SHB: variants seen among roughly 807,000 people sequenced by gnomAD.
The protein encoded by SHB is SH2 domain containing adaptor protein B.
A neutral mutation model predicts 52.3 loss-of-function variants in SHB; 20 were observed. The observed-to-expected ratio is 0.38, with a 90% CI of 0.27 to 0.56. The LOEUF (loss-of-function observed/expected upper bound fraction) is 0.56. Among genes scored for constraint, SHB ranks in the 20% least tolerant of loss-of-function variants. The pLI, the probability that SHB is intolerant of heterozygous loss-of-function variation, is 0.71. For synonymous variants in SHB, 397 were observed against 316.5 expected, an observed-to-expected ratio of 1.25 and a Z score of -2.70; for missense variants, 825 against 723.3, an observed-to-expected ratio of 1.14 and a Z score of -1.61.
chr9:37,948,997 C>A (rs1832528171), intron 4 of SHB, among the ~76,000 whole-genome samples: 1 of 152,198 alleles, frequency 6.6e-6, no homozygotes, highest in South Asian at 2.1e-4. Context: ...GCCACAGACA[C>A]TCAAGTCATC....
chr9:38,064,697 T>C (rs1821938790), intron 1 of SHB, among the ~76,000 whole-genome samples: 1 of 152,186 alleles, frequency 6.6e-6, no homozygotes, highest in South Asian at 2.1e-4. Flanking sequence ...CATGGACAAG[T>C]CTCCTGCATC....
chr9:37,983,971 G>C (rs79082258), intron 2 of SHB, among the ~76,000 whole-genome samples: 2,869 of 152,346 alleles, frequency 0.019, 84 homozygotes, highest in African/African-American at 0.064. Flanking sequence ...TCCCACTAGA[G>C]TGCTTAGTCT....
intron 5 of SHB, among the ~76,000 whole-genome samples, chr9:37,927,387 C>A (rs752843588): frequency 6.6e-6 from 1 of 152,210 alleles, no homozygotes; most frequent in South Asian, 2.1e-4. Flanking sequence ...AGCAAAATGA[C>A]GTGATTTACA....
intron 2 of SHB, among the ~76,000 whole-genome samples, chr9:37,997,463 T>G (rs142771184): frequency 6.9e-4 from 105 of 152,312 alleles, no homozygotes; most frequent in African/African-American, 2.4e-3. Flanking sequence ...CCTGCCTCCT[T>G]TTCCCCTGGA....
At chr9:37,969,019 C>T (rs942817991) in intron 3 of SHB, among the ~76,000 whole-genome samples, 1 of 152,224 alleles carries the variant, frequency 6.6e-6, no homozygotes, top group Non-Finnish European at 1.5e-5. Flanking sequence ...CCCAGTCCCC[C>T]ACAGAAACCC....
At chr9:37,970,213 G>A (rs1210745814) in intron 3 of SHB, among the ~76,000 whole-genome samples, 1 of 152,240 alleles carries the variant, frequency 6.6e-6, no homozygotes, top group African/African-American at 2.4e-5. Context: ...TCCTGGAGAA[G>A]AGCAGGCAAC....
In SHB at chr9:38,027,492, G is replaced by A. The variant is rs76913672; in HGVS notation, c.718-11361C>T. ...CATGCCTTTTAGTCTGGGGAACCCA[G>A]ACACAGACCTTGAAGCAGGCACTAA... is the stretch of plus-strand genomic sequence containing the variant. On this transcript the variant is annotated intron_variant, in intron 1 of 5. Coordinates refer to ENST00000377707, the MANE Select transcript of SHB (RefSeq NM_003028.3). 4.7e-3 allele frequency among the ~76,000 whole-genome samples: 716 copies of A among 152,210 alleles called. 18 individuals are homozygous for A. The East Asian group carries it at 0.049, about 10-fold the overall frequency.
chr9:37,970,922 C>T (rs1182420724), intron 3 of SHB, among the ~76,000 whole-genome samples: 6 of 152,080 alleles, frequency 3.9e-5, no homozygotes, highest in Non-Finnish European at 8.8e-5. Flanking sequence ...ATTCCCCGCC[C>T]AAGTTTCCCC....
intron 2 of SHB, among the ~76,000 whole-genome samples, chr9:37,998,577 C>T (rs1416328534): frequency 3.9e-5 from 6 of 152,192 alleles, no homozygotes; most frequent in African/African-American, 9.7e-5. Flanking sequence ...CTCAGCCTCC[C>T]GAATAGCTGA....
rs1279603871 is a variant in SHB, at chr9:37,916,266, G to A, written c.*3555C>T. 3.3e-5 allele frequency among the ~76,000 whole-genome samples: 5 copies of A among 152,198 alleles called. No individual in the cohort carries two copies. The highest frequency in any genetic ancestry group is 4.4e-5 in the Non-Finnish European group (3 of 68,036). On this transcript the variant is annotated 3_prime_UTR_variant, in exon 6 of 6. Transcript: ENST00000377707. ...AGTTGGCTGGACAGCTGCCTGATTC[G>A]GCCATGACCCTTCACGGGTGTCTGT...
intron 3 of SHB, among the ~76,000 whole-genome samples, chr9:37,964,198 T>C (rs1194922614): frequency 2.0e-5 from 3 of 152,106 alleles, no homozygotes; most frequent in Non-Finnish European, 4.4e-5. Context: ...CTGCCACTCA[T>C]GATGGGAGGT....
At chr9:37,942,703 A>G (rs531296997) in intron 5 of SHB, among the ~76,000 whole-genome samples, 41 of 152,286 alleles carry the variant, frequency 2.7e-4, no homozygotes, top group African/African-American at 9.9e-4. Context: ...AGGTGCGGGG[A>G]AAGAGATGGA....
chr9:38,020,782 A>G (rs528485096), intron 1 of SHB, among the ~76,000 whole-genome samples: 61 of 152,306 alleles, frequency 4.0e-4, no homozygotes, highest in Non-Finnish European at 4.4e-5. Context: ...AATTTAAAAA[A>G]AGACTTCTGC....
chr9:37,924,449 G>A (rs1308847385), intron 5 of SHB, among the ~76,000 whole-genome samples: 2 of 152,166 alleles, frequency 1.3e-5, no homozygotes, highest in Non-Finnish European at 2.9e-5. Context: ...ATGATGAAAT[G>A]ACTTAAAAAT....
chr9:37,983,966 C>T (rs1820772455), intron 2 of SHB, among the ~76,000 whole-genome samples: 1 of 152,248 alleles, frequency 6.6e-6, no homozygotes, highest in Non-Finnish European at 1.5e-5. Flanking sequence ...ACCGATCCCA[C>T]TAGAGTGCTT....
chr9:38,013,266 G>C (rs1821165572), intron 2 of SHB, among the ~76,000 whole-genome samples: 2 of 152,176 alleles, frequency 1.3e-5, no homozygotes, highest in South Asian at 4.1e-4. Flanking sequence ...AAATCAAACT[G>C]CCTCAATCAA....
At chr9:38,054,407 C>A (rs1269720918) in intron 1 of SHB, among the ~76,000 whole-genome samples, 2 of 152,266 alleles carry the variant, frequency 1.3e-5, no homozygotes, top group Non-Finnish European at 2.9e-5. Flanking sequence ...CCCAAATCCA[C>A]CTGGGAATCT....
At chr9:38,018,694 G>A (rs1254301388) in intron 1 of SHB, among the ~76,000 whole-genome samples, 1 of 152,144 alleles carries the variant, frequency 6.6e-6, no homozygotes, top group Non-Finnish European at 1.5e-5. Flanking sequence ...GCAAAATGAT[G>A]TCCTAGTTTT....
rs776979389 is a variant in SHB at position 37,919,817 on chromosome 9, C to T, written c.*4G>A. ...TGTCACAGAGCAGGGCAGGTCTGGTCCGCTCACAGGGTCCTCACAGCCACG... is the reference window on the plus strand; with the variant it reads ...TGTCACAGAGCAGGGCAGGTCTGGTTCGCTCACAGGGTCCTCACAGCCACG... On this transcript the variant is annotated 3_prime_UTR_variant, in exon 6 of 6. Transcript: ENST00000377707. The T allele has an allele frequency of 6.2e-7, 1 of 1,612,444 alleles. No homozygotes were observed. The highest frequency in any genetic ancestry group is 1.1e-5 in the South Asian group (1 of 90,966).
Sources: allele counts gnomAD v4.1 joint callset (sites outside exome capture counted in the v4.1 genomes callset), GRCh38; gene constraint gnomAD v4.1.1; transcripts MANE v1.5; gene names NCBI Gene and HGNC (gene_info 2026-07-23, HGNC 2026-07-21).